Variants in ANKFN1 observed in about 807,000 individuals in gnomAD.
The protein encoded by ANKFN1 is ankyrin repeat and fibronectin type-III domain-containing protein 1.
Under a neutral mutation model 108.7 loss-of-function variants are expected in ANKFN1, and 74 were observed. The observed-to-expected ratio is 0.68, with a 90% CI of 0.56 to 0.83. ANKFN1 has a LOEUF of 0.83. ANKFN1 is among the 40% of genes least tolerant of loss of function. ANKFN1 has a pLI of 0.00. For missense variants in ANKFN1, 1,505 were observed against 1,382.3 expected (o/e 1.09, Z -1.41); for synonymous variants, 547 against 516.2 (o/e 1.06, Z -0.81).
chr17:56,225,543 G>A (rs1037004403), intron 2 of ANKFN1, among the ~76,000 whole-genome samples: 17 of 152,146 alleles, frequency 1.1e-4, no homozygotes, highest in African/African-American at 2.9e-4. Context: ...GGTTAATCAC[G>A]AGGGGAGGGG....
rs368936815 is a variant in ANKFN1, at chr17:56,405,521, A to G, written c.910+30807A>G. 4.1e-4 allele frequency among the ~76,000 whole-genome samples: 63 copies of G among 152,304 alleles called. 1 individual carries two copies. In the East Asian group the frequency reaches 0.011, roughly 27 times the overall value. On this transcript the variant is annotated intron_variant, in intron 8 of 20. Coordinates refer to ENST00000682825, the MANE Select transcript of ANKFN1 (RefSeq NM_001370326.1). ...AAATGCAAATAATCTTTGACCTGGT[A>G]ATTCTAAGTAGGGGGATTTATCCTA... is the stretch of plus-strand genomic sequence containing the variant.
rs769169104 is a variant in ANKFN1 at position 56,457,406 on chromosome 17, T to C, written c.1440+17T>C. ...TTCACGAAGGTATACTAAGTTCTGATTTCATTTTTCCCTACTTTGTACCAA... is the reference window on the plus strand; with the variant it reads ...TTCACGAAGGTATACTAAGTTCTGACTTCATTTTTCCCTACTTTGTACCAA... On this transcript the variant is annotated intron_variant, in intron 13 of 20. Transcript: ENST00000682825. The C allele has an allele frequency of 6.4e-7, 1 of 1,569,418 alleles. No homozygotes were observed. The highest frequency in any genetic ancestry group is 8.6e-7 in the Non-Finnish European group (1 of 1,165,436).
intron 14 of ANKFN1, among the ~76,000 whole-genome samples, chr17:56,458,265 A>G (rs2049781183): frequency 6.6e-6 from 1 of 152,148 alleles, no homozygotes; most frequent in South Asian, 2.1e-4. Flanking sequence ...TAGATTTGAT[A>G]TTAGTCAGCC....
intron 4 of ANKFN1, among the ~76,000 whole-genome samples, chr17:56,086,304 C>T (rs1304829763): frequency 6.6e-6 from 1 of 151,070 alleles, no homozygotes; most frequent in East Asian, 1.9e-4. Flanking sequence ...ACTCAGGAGA[C>T]TGAGGCAGGA....
intron 3 of ANKFN1, among the ~76,000 whole-genome samples, chr17:56,318,555 A>G (rs2144493157): frequency 6.6e-6 from 1 of 152,286 alleles, no homozygotes; most frequent in South Asian, 2.1e-4. Flanking sequence ...AGGGAATTAC[A>G]TAGAGCCCCA....
Position 56,087,737 on chromosome 17 carries a change from G to A in ANKFN1, c.288+41412G>A, listed in dbSNP as rs116078120. 5.6e-3 allele frequency among the ~76,000 whole-genome samples: 843 copies of A among 151,390 alleles called. 28 individuals carry two copies. Among genetic ancestry groups the A allele is most frequent in the African/African-American group, 0.02 (813 of 41,304 alleles). ...ACTGATCAAGACTAGACAACTGCCTGTTTTTATAAATAAAGTTTTATTGGA... is the reference window on the plus strand; with the variant it reads ...ACTGATCAAGACTAGACAACTGCCTATTTTTATAAATAAAGTTTTATTGGA... On this transcript the variant is annotated intron_variant, in intron 4 of 12. Transcript: ENST00000635860.
chr17:56,057,189 G>T (rs1455857400), intron 4 of ANKFN1, among the ~76,000 whole-genome samples: 2 of 152,156 alleles, frequency 1.3e-5, no homozygotes, highest in African/African-American at 4.8e-5. Context: ...TAGTTCTCTT[G>T]TTCTTTCCAC....
intron 4 of ANKFN1, among the ~76,000 whole-genome samples, chr17:56,092,535 A>G (rs1905439260): frequency 6.6e-6 from 1 of 150,974 alleles, no homozygotes; most frequent in Non-Finnish European, 1.5e-5. Context: ...CGGCCTCCCA[A>G]AGTGTTAGGA....
At chr17:56,216,564 G>T (rs1915438591) in intron 2 of ANKFN1, among the ~76,000 whole-genome samples, 1 of 152,230 alleles carries the variant, frequency 6.6e-6, no homozygotes, top group African/African-American at 2.4e-5. Context: ...TTACATTGAA[G>T]TGGCTAGTGC....
At chr17:56,401,175 G>C (rs1426452836) in intron 8 of ANKFN1, among the ~76,000 whole-genome samples, 1 of 152,150 alleles carries the variant, frequency 6.6e-6, no homozygotes, top group Non-Finnish European at 1.5e-5. Context: ...GATTGCTTTT[G>C]GCAGTATGGT....
intron 3 of ANKFN1, chr17:56,228,274 C>T: frequency 3.8e-6 from 1 of 260,314 alleles, no homozygotes; most frequent in South Asian, 7.8e-5. Context: ...ATATTCAGTT[C>T]TCTCAAATGA....
chr17:56,453,150 A>G (rs1466618785), intron 11 of ANKFN1, among the ~76,000 whole-genome samples: 1 of 152,006 alleles, frequency 6.6e-6, no homozygotes, highest in African/African-American at 2.4e-5. Flanking sequence ...TATTTCTAAT[A>G]ATGTTTTTCG....
chr17:56,456,970 A>T lies in ANKFN1; in HGVS notation c.1307+10A>T. 3 of 1,609,232 alleles carry T rather than the reference A, an allele frequency of 1.9e-6. No individual in the cohort carries two copies. In the South Asian group the frequency reaches 3.3e-5, roughly 18 times the overall value. On this transcript the variant is annotated intron_variant, in intron 12 of 20. Transcript: ENST00000682825. ...TGAAGACCTTAAAACGGTGGGTTCT[A>T]TGTAGTTTTTTCAGGAAATCTTAAC... is the stretch of plus-strand genomic sequence containing the variant.
At chr17:56,144,309 G>A (rs1567802843) in intron 4 of ANKFN1, among the ~76,000 whole-genome samples, 1 of 152,090 alleles carries the variant, frequency 6.6e-6, no homozygotes, top group African/African-American at 2.4e-5. Flanking sequence ...AAAATCAAGA[G>A]TACACCACAG....
intron 16 of ANKFN1, among the ~76,000 whole-genome samples, chr17:56,479,457 T>C (rs917576510): frequency 2.6e-5 from 4 of 152,224 alleles, no homozygotes; most frequent in African/African-American, 4.8e-5. Flanking sequence ...CAATTATTTG[T>C]GAAGCCAACA....
At chr17:56,078,568 T>G (rs1905208278) in intron 4 of ANKFN1, among the ~76,000 whole-genome samples, 1 of 152,252 alleles carries the variant, frequency 6.6e-6, no homozygotes, top group Non-Finnish European at 1.5e-5. Flanking sequence ...TTTGTGCATG[T>G]CAGATTGCTG....
At chr17:56,488,511 A>G (rs751970247) in intron 18 of ANKFN1, among the ~76,000 whole-genome samples, 1 of 152,236 alleles carries the variant, frequency 6.6e-6, no homozygotes, top group Non-Finnish European at 1.5e-5. Context: ...TGAGGAACCT[A>G]TGGAATATCT....
At chr17:56,144,767 T>G (rs1048939430) in intron 4 of ANKFN1, among the ~76,000 whole-genome samples, 1 of 152,162 alleles carries the variant, frequency 6.6e-6, no homozygotes, top group Non-Finnish European at 1.5e-5. Flanking sequence ...AAATTGCAGA[T>G]GGACAGCCGA....
At chr17:56,412,203 T>C (rs972251052) in intron 8 of ANKFN1, among the ~76,000 whole-genome samples, 4 of 152,220 alleles carry the variant, frequency 2.6e-5, no homozygotes, top group Admixed American at 2.6e-4. Flanking sequence ...CCTGATTCAG[T>C]CTTGGTATGT....
Sources: allele counts gnomAD v4.1 joint callset (sites outside exome capture counted in the v4.1 genomes callset), GRCh38; gene constraint gnomAD v4.1.1; transcripts MANE v1.5; gene names NCBI Gene and HGNC (gene_info 2026-07-23, HGNC 2026-07-21).